Variants in LSAMP observed in about 807,000 individuals in gnomAD.
LSAMP encodes the protein limbic system associated membrane protein, also known as limbic system-associated membrane protein.
Under a neutral mutation model 38.6 loss-of-function variants are expected in LSAMP, and 7 were observed. That is an observed-to-expected ratio of 0.18 (90% confidence interval 0.10 to 0.34). The LOEUF is 0.34. Ranked by LOEUF, LSAMP falls within the 10% of genes least tolerant of loss-of-function variation. The probability of loss-of-function intolerance (pLI) is 1.00; values close to 1 mark genes in which losing one functional copy is unlikely to be tolerated. For missense variants in LSAMP, 313 were observed against 420.0 expected, an observed-to-expected ratio of 0.75 and a Z score of 2.23; for synonymous variants, 154 against 166.8, an observed-to-expected ratio of 0.92 and a Z score of 0.59.
At chr3:116,268,402 C>A (rs1193041260) in intron 1 of LSAMP, among the ~76,000 whole-genome samples, 2 of 152,030 alleles carry the variant, frequency 1.3e-5, no homozygotes, top group Non-Finnish European at 2.9e-5. Context: ...ATGTAAGGCA[C>A]AATTTAAATT....
chr3:116,162,673 T>C (rs1709922817), intron 1 of LSAMP, among the ~76,000 whole-genome samples: 1 of 143,426 alleles, frequency 7.0e-6, no homozygotes, highest in South Asian at 2.2e-4. Flanking sequence ...GGCTCTTCAC[T>C]GGTTCTCTCT....
intron 3 of LSAMP, among the ~76,000 whole-genome samples, chr3:115,878,273 A>G (rs918546936): frequency 2.6e-5 from 4 of 152,040 alleles, no homozygotes; most frequent in African/African-American, 7.2e-5. Flanking sequence ...GAAGGAGGGC[A>G]CTTTGTACCA....
At chr3:116,079,893 G>A (rs1559734668) in intron 2 of LSAMP, among the ~76,000 whole-genome samples, 1 of 151,954 alleles carries the variant, frequency 6.6e-6, no homozygotes, top group Non-Finnish European at 1.5e-5. Flanking sequence ...ATTTTTAAGA[G>A]TACATTTTTA....
At chr3:116,386,218 G>A (rs2048624734) in intron 1 of LSAMP, among the ~76,000 whole-genome samples, 1 of 152,020 alleles carries the variant, frequency 6.6e-6, no homozygotes. Flanking sequence ...GGAGTCAAAG[G>A]GGTATCTGAG....
chr3:116,133,957 C>CCACTAAGTGGCATGACAAAT (rs1709190690), intron 1 of LSAMP, among the ~76,000 whole-genome samples: 1 of 152,102 alleles, frequency 6.6e-6, no homozygotes, highest in Admixed American at 6.5e-5. Flanking sequence ...ATTAGTGACA[C>CCACTAAGTGGCATGACAAAT]AGATGGAACA....
chr3:116,268,801 C>T lies in LSAMP; in HGVS notation c.155+176076G>A, dbSNP rs142213844. Among the ~76,000 whole-genome samples the T allele has an allele frequency of 3.5e-3, 532 of 151,450 alleles. 1 individual carries two copies. Among genetic ancestry groups the T allele is most frequent in the African/African-American group, 0.012 (506 of 41,244 alleles). The stretch of plus-strand genomic sequence containing the variant: ...GCTCATTTAAAAAAATATTATTATT[C>T]TCTTGTAGGATGAAGGACAGCTTGG... On this transcript the variant is annotated intron_variant, in intron 1 of 6. Transcript: ENST00000490035.
At chr3:116,012,839 G>T (rs1940369767) in intron 3 of LSAMP, among the ~76,000 whole-genome samples, 1 of 152,028 alleles carries the variant, frequency 6.6e-6, no homozygotes, top group South Asian at 2.1e-4. Context: ...TGCTAATACT[G>T]CACCAAGAAC....
chr3:116,250,137 T>C (rs1410741359), intron 1 of LSAMP, among the ~76,000 whole-genome samples: 1 of 152,222 alleles, frequency 6.6e-6, no homozygotes, highest in Non-Finnish European at 1.5e-5. Context: ...TATAGAATCA[T>C]ATTCAATGAA....
chr3:115,830,926 G>A (rs1278165684), intron 6 of LSAMP, among the ~76,000 whole-genome samples: 2 of 152,184 alleles, frequency 1.3e-5, no homozygotes, highest in African/African-American at 4.8e-5. Flanking sequence ...GTAGGAACAT[G>A]AGTCCCCCTT....
intron 1 of LSAMP, among the ~76,000 whole-genome samples, chr3:116,201,028 G>C (rs896805998): frequency 6.6e-6 from 1 of 152,234 alleles, no homozygotes; most frequent in Non-Finnish European, 1.5e-5. Context: ...AGATTAACAA[G>C]TGAGGAGCAC....
At chr3:115,881,072 A>G (rs183933639) in intron 3 of LSAMP, among the ~76,000 whole-genome samples, 1 of 151,982 alleles carries the variant, frequency 6.6e-6, no homozygotes, top group East Asian at 1.9e-4. Context: ...AAATAAATAA[A>G]ATACTGTACA....
chr3:115,844,963 C>A (rs1168332244), intron 4 of LSAMP, among the ~76,000 whole-genome samples: 1 of 152,114 alleles, frequency 6.6e-6, no homozygotes, highest in African/African-American at 2.4e-5. Context: ...GGCAACACAG[C>A]AAGACCCTGT....
intron 1 of LSAMP, among the ~76,000 whole-genome samples, chr3:116,226,788 G>A (rs956698240): frequency 3.3e-5 from 5 of 152,176 alleles, no homozygotes; most frequent in Admixed American, 3.3e-4. Flanking sequence ...TATGATAACA[G>A]GAAGTCTACC....
At chr3:115,923,829 T>A (rs137992742) in intron 3 of LSAMP, among the ~76,000 whole-genome samples, 373 of 152,292 alleles carry the variant, frequency 2.4e-3, no homozygotes, top group African/African-American at 8.6e-3. Flanking sequence ...TACTCCCCCT[T>A]CTAAAATATT....
intron 1 of LSAMP, among the ~76,000 whole-genome samples, chr3:116,375,283 A>G (rs1186103448): frequency 6.6e-6 from 1 of 151,934 alleles, no homozygotes; most frequent in African/African-American, 2.4e-5. Context: ...TGTTGCTGGG[A>G]AAGTATTGGA....
At chr3:116,084,199 T>C (rs1011342152) in intron 2 of LSAMP, among the ~76,000 whole-genome samples, 19 of 152,202 alleles carry the variant, frequency 1.2e-4, no homozygotes, top group African/African-American at 4.3e-4. Flanking sequence ...AATGAGATAG[T>C]AGATAAACAG....
chr3:116,234,899 A>C (rs2046446372), intron 1 of LSAMP, among the ~76,000 whole-genome samples: 1 of 152,178 alleles, frequency 6.6e-6, no homozygotes, highest in African/African-American at 2.4e-5. Flanking sequence ...CTCAAATAAT[A>C]ATATGCTTTC....
At chr3:116,294,693 G>A (rs2047306420) in intron 1 of LSAMP, among the ~76,000 whole-genome samples, 1 of 152,136 alleles carries the variant, frequency 6.6e-6, no homozygotes, top group African/African-American at 2.4e-5. Context: ...GAAATGTTAT[G>A]AAGCTAAAAT....
At chr3:116,005,917 T>C (rs879815140) in intron 3 of LSAMP, among the ~76,000 whole-genome samples, 2 of 152,080 alleles carry the variant, frequency 1.3e-5, no homozygotes, top group East Asian at 3.9e-4. Flanking sequence ...GGTCCTTTGG[T>C]TATGGCTGCA....
Sources: gnomAD v4.1 joint callset for allele counts (sites outside exome capture counted in the v4.1 genomes callset) on GRCh38, gnomAD v4.1.1 for gene constraint, MANE v1.5 for transcripts, NCBI Gene and HGNC (gene_info 2026-07-23, HGNC 2026-07-21) for gene names.